DAB2IP: variants seen among roughly 807,000 people sequenced by gnomAD.
The protein encoded by DAB2IP is disabled homolog 2-interacting protein.
Under a neutral mutation model 107.2 loss-of-function variants are expected in DAB2IP, and 28 were observed. The observed-to-expected ratio is 0.26, with a 90% confidence interval of 0.19 to 0.36. The LOEUF is 0.36. Among genes scored for constraint, DAB2IP ranks in the 10% least tolerant of loss-of-function variants. The pLI is 1.00. For missense variants in DAB2IP, 1,400 were observed against 1,644.7 expected, an observed-to-expected ratio of 0.85 and a Z score of 2.57; for synonymous variants, 755 against 706.4, an observed-to-expected ratio of 1.07 and a Z score of -1.09.
At chr9:121,717,515 T>A (rs1363708419) in intron 3 of DAB2IP, among the ~76,000 whole-genome samples, 1 of 152,228 alleles carries the variant, frequency 6.6e-6, no homozygotes, top group Non-Finnish European at 1.5e-5. Flanking sequence ...GGTCACACAC[T>A]TGTTTATCAC....
At position 121,656,787 on chromosome 9, in the gene DAB2IP, A is replaced by G. The variant is rs77335094; in HGVS notation, c.124+4888A>G. Among the ~76,000 whole-genome samples, 105 of 152,318 alleles carry G rather than the reference A, an allele frequency of 6.9e-4. 1 individual carries two copies. The highest frequency in any genetic ancestry group is 2.5e-3 in the African/African-American group (102 of 41,566). On this transcript the variant is annotated intron_variant, in intron 1 of 15. Transcript: ENST00000408936. ...TGGATACTGATACTATCCTCATTTCATAGGTGAGGAGACTGTAGCCCAGAG... is the reference window on the plus strand; with the variant it reads ...TGGATACTGATACTATCCTCATTTCGTAGGTGAGGAGACTGTAGCCCAGAG...
chr9:121,776,461 C>A lies in DAB2IP; in HGVS notation c.3314+70C>A. 2 of 1,430,228 alleles carry A rather than the reference C, an allele frequency of 1.4e-6. No homozygotes were observed. Among genetic ancestry groups the A allele is most frequent in the Non-Finnish European group, 1.9e-6 (2 of 1,080,780 alleles). The allele number at this position is 1,430,228 out of a possible 1,614,324, so 88.6% of individuals were successfully genotyped here. A position where few individuals can be genotyped will look rare whatever the true frequency, so the allele number is the denominator to read the frequency against. On this transcript the variant is annotated intron_variant, in intron 14 of 15. Transcript: ENST00000408936. The surrounding 1 kb of genome is among the most constrained non-coding windows in gnomAD (Gnocchi z 5.4). ...CAGCCATCGCTGCCTTCGAGGAGGC[C>A]CCTGGTCGGGGAGCCTCCTCAAAGG...
Position 121,736,873 on chromosome 9 carries a change from C to T in DAB2IP, c.363-20140C>T, listed in dbSNP as rs1216299348. 6.6e-6 allele frequency among the ~76,000 whole-genome samples: 1 copy of T among 152,210 alleles called. No individual in the cohort carries two copies. Among genetic ancestry groups the T allele is most frequent in the African/African-American group, 2.4e-5 (1 of 41,454 alleles). ...CCTGTTCTCGTGGACCGGACATTTT[C>T]ATGATAGGTAAAAGACAGAAACAAA... On this transcript the variant is annotated intron_variant, in intron 3 of 15. Coordinates refer to ENST00000408936, the Ensembl canonical transcript of DAB2IP. This position sits in a 1 kb window ranked among gnomAD's most constrained non-coding sequence, Gnocchi z 4.6.
chr9:121,782,264 G>A lies in DAB2IP; in HGVS notation c.3403-67G>A. The A allele has an allele frequency of 1.9e-6, 3 of 1,547,714 alleles. No individual in the cohort carries two copies. Among genetic ancestry groups the A allele is most frequent in the Middle Eastern group, 1.8e-4 (1 of 5,670 alleles). ...CAGGCCACCCCCTTCCCCGATGCTT[G>A]TCGTAGGTATACACAGCCCTAAGGA... is the stretch of plus-strand genomic sequence containing the variant. On this transcript the variant is annotated intron_variant, in intron 15 of 15. Coordinates refer to ENST00000408936, the Ensembl canonical transcript of DAB2IP. This position sits in a 1 kb window ranked among gnomAD's most constrained non-coding sequence, Gnocchi z 6.1.
At chr9:121,694,925 C>T (rs1435576394) in intron 2 of DAB2IP, among the ~76,000 whole-genome samples, 3 of 152,156 alleles carry the variant, frequency 2.0e-5, no homozygotes, top group Non-Finnish European at 1.5e-5. Context: ...AGCTGCCTGA[C>T]AAGTAGATGG....
At chr9:121,709,894 C>T (rs1338173142) in intron 3 of DAB2IP, among the ~76,000 whole-genome samples, 1 of 152,182 alleles carries the variant, frequency 6.6e-6, no homozygotes, top group Non-Finnish European at 1.5e-5. Context: ...GTATCCACAG[C>T]CAGGGCCCTC....
intron 3 of DAB2IP, among the ~76,000 whole-genome samples, chr9:121,755,809 A>T (rs1382285592): frequency 6.6e-6 from 1 of 152,090 alleles, no homozygotes; most frequent in Non-Finnish European, 1.5e-5. Context: ...TCCTACAGGG[A>T]AGTGTCTGGT....
chr9:121,634,528 C>T lies in DAB2IP; in HGVS notation c.41-44150C>T, dbSNP rs569483791. Among the ~76,000 whole-genome samples the T allele has an allele frequency of 3.3e-4, 50 of 152,240 alleles. No homozygotes were observed. The South Asian group carries it at 7.5e-3, about 23-fold the overall frequency. On this transcript the variant is annotated intron_variant, in intron 1 of 16. Transcript: ENST00000259371. The surrounding 1 kb of genome is among the most constrained non-coding windows in gnomAD (Gnocchi z 4.7). ...GAAAGCAGCCTCACTCCAGCACAAG[C>T]CTGGGCAGGTGCAGCCTCGGTGCGC...
intron 1 of DAB2IP, among the ~76,000 whole-genome samples, chr9:121,620,648 G>T (rs540912596): frequency 8.5e-5 from 13 of 152,214 alleles, no homozygotes; most frequent in Admixed American, 2.6e-4. Flanking sequence ...AGCCACCCTG[G>T]GGGGGTCCTG....
chr9:121,759,580 G>T (rs1833738582), intron 5 of DAB2IP, among the ~76,000 whole-genome samples: 1 of 152,242 alleles, frequency 6.6e-6, no homozygotes, highest in Non-Finnish European at 1.5e-5. Context: ...CAGGCGTTGT[G>T]CTGGCCTCTC....
chr9:121,706,478 C>T (rs186444299), intron 3 of DAB2IP, among the ~76,000 whole-genome samples: 44 of 152,312 alleles, frequency 2.9e-4, no homozygotes, highest in Admixed American at 5.2e-4. Context: ...GGTGGAGTCA[C>T]CTGTGGCCCA....
chr9:121,766,163 A>G (rs1012375460), intron 8 of DAB2IP, among the ~76,000 whole-genome samples: 3 of 152,194 alleles, frequency 2.0e-5, no homozygotes, highest in Non-Finnish European at 4.4e-5. Flanking sequence ...GAGGTGGTTC[A>G]GCACTGGCCC....
chr9:121,567,114 G>C lies in DAB2IP; in HGVS notation c.-75G>C, dbSNP rs560588941. 2.4e-5 allele frequency: 39 copies of C among 1,592,780 alleles called. No individual in the cohort carries two copies. The East Asian group carries it at 8.7e-4, about 36-fold the overall frequency. On this transcript the variant is annotated 5_prime_UTR_variant, in exon 1 of 17. Transcript: ENST00000259371. Reference sequence around the variant, plus strand: ...AAAGCCGCCAGATGGAATACAAAAGGAGGAACCCAGACGCTCATGGAGACA... The same window carrying C: ...AAAGCCGCCAGATGGAATACAAAAGCAGGAACCCAGACGCTCATGGAGACA...
rs573657837 is a variant in DAB2IP at position 121,704,360 on chromosome 9, C to T, written c.362+4902C>T. On this transcript the variant is annotated intron_variant, in intron 3 of 15. Coordinates refer to ENST00000408936, the Ensembl canonical transcript of DAB2IP. ...ATGTCATCATTAAAGCAGTCTTTAT[C>T]GTTTGGATAGGCAGAAAAAGGGCAT... 7.9e-5 allele frequency among the ~76,000 whole-genome samples: 12 copies of T among 152,302 alleles called. 1 individual carries two copies. Among genetic ancestry groups the T allele is most frequent in the African/African-American group, 1.7e-4 (7 of 41,562 alleles).
chr9:121,633,392 ACCAAACCACCTC>A lies in DAB2IP; in HGVS notation c.41-45285_41-45274del, dbSNP rs1434154846. On this transcript the variant is annotated intron_variant, in intron 1 of 16. Coordinates refer to the DAB2IP transcript ENST00000259371. This position sits in a 1 kb window ranked among gnomAD's most constrained non-coding sequence, Gnocchi z 5.1. ...TTTGCCCACTGACCCCACCCCCCCT[ACCAAACCACCTC>A]TGCTGCAAACAGAGTGCCTGGTGAG... is the stretch of plus-strand genomic sequence containing the variant. Among the ~76,000 whole-genome samples the A allele has an allele frequency of 6.6e-5, 10 of 151,858 alleles. No individual in the cohort carries two copies. Among genetic ancestry groups the A allele is most frequent in the Non-Finnish European group, 1.5e-4 (10 of 67,978 alleles).
At chr9:121,763,751 G>A (rs761152891) in exon 8 of DAB2IP, 20 of 1,614,052 alleles carry the variant, frequency 1.2e-5, no homozygotes, top group Admixed American at 3.3e-5. Flanking sequence ...TCATCAAAGC[G>A]CTGTATGAGT....
At chr9:121,742,511 G>C (rs1200017271) in intron 3 of DAB2IP, among the ~76,000 whole-genome samples, 2 of 152,234 alleles carry the variant, frequency 1.3e-5, no homozygotes, top group Non-Finnish European at 1.5e-5. Flanking sequence ...CTCTGAGGGT[G>C]CCGTAGACCA....
intron 13 of DAB2IP, among the ~76,000 whole-genome samples, chr9:121,775,977 G>T (rs542843964): frequency 2.6e-5 from 4 of 152,230 alleles, no homozygotes; most frequent in Non-Finnish European, 5.9e-5. Flanking sequence ...CAGGCTGGGA[G>T]TTTGGAGTGG....
At chr9:121,703,774 C>T (rs970829155) in intron 3 of DAB2IP, among the ~76,000 whole-genome samples, 4 of 152,128 alleles carry the variant, frequency 2.6e-5, no homozygotes, top group African/African-American at 7.2e-5. Flanking sequence ...TAAGTCACCT[C>T]GTCTTGGTAA....
Sources: allele counts gnomAD v4.1 joint callset (sites outside exome capture counted in the v4.1 genomes callset), GRCh38; gene constraint gnomAD v4.1.1; non-coding constraint Gnocchi (gnomAD v3.1); transcripts MANE v1.5; gene names NCBI Gene and HGNC (gene_info 2026-07-23, HGNC 2026-07-21).